The following COL15A1 variants were observed in gnomAD, a reference collection of about 807,000 sequenced individuals.
COL15A1 encodes the protein collagen alpha-1(XV) chain.
A neutral mutation model predicts 165.9 loss-of-function variants in COL15A1; 111 were observed. The ratio of observed to expected loss-of-function variants is 0.67; its 90% confidence interval spans 0.57 to 0.78. The LOEUF (loss-of-function observed/expected upper bound fraction) is 0.78, where lower values mean the gene tolerates loss of function less well. COL15A1 is among the 30% of genes least tolerant of loss of function. The pLI, the probability that COL15A1 is intolerant of heterozygous loss-of-function variation, is 0.00. For missense variants in COL15A1, 1,745 were observed against 1,789.7 expected, an observed-to-expected ratio of 0.98 and a Z score of 0.45; for synonymous variants, 659 against 674.8, an observed-to-expected ratio of 0.98 and a Z score of 0.36.
Position 98,944,002 on chromosome 9 carries a change from T to A in COL15A1, c.-60T>A. 6.2e-7 allele frequency: 1 copy of A among 1,608,184 alleles called. No homozygotes were observed. Among genetic ancestry groups the A allele is most frequent in the Non-Finnish European group, 8.5e-7 (1 of 1,175,952 alleles). ...CGCTCAGCGACCCTTCGTCCTCCGCTAAGCTCCAACGCTCTGCTCGACTAG... is the reference window on the plus strand; with the variant it reads ...CGCTCAGCGACCCTTCGTCCTCCGCAAAGCTCCAACGCTCTGCTCGACTAG... On this transcript the variant is annotated 5_prime_UTR_variant, in exon 1 of 42. Transcript: ENST00000375001.
intron 2 of COL15A1, among the ~76,000 whole-genome samples, chr9:98,978,530 C>T (rs1248866226): frequency 2.0e-5 from 3 of 152,186 alleles, no homozygotes; most frequent in Non-Finnish European, 4.4e-5. Context: ...GAAAGCAGAG[C>T]TCTCAGTAGG....
chr9:98,980,129 C>T (rs1361599661), intron 2 of COL15A1, among the ~76,000 whole-genome samples: 1 of 151,366 alleles, frequency 6.6e-6, no homozygotes, highest in Admixed American at 6.6e-5. Flanking sequence ...CACTGCATTC[C>T]CACCTGGGCA....
intron 2 of COL15A1, among the ~76,000 whole-genome samples, chr9:98,963,245 C>T (rs1459584965): frequency 3.3e-5 from 5 of 151,208 alleles, no homozygotes; most frequent in African/African-American, 7.3e-5. Flanking sequence ...TAGCTAGGAC[C>T]CACTGGGCCT....
intron 2 of COL15A1, among the ~76,000 whole-genome samples, chr9:98,983,458 G>A (rs1384507974): frequency 6.6e-6 from 1 of 152,162 alleles, no homozygotes; most frequent in Non-Finnish European, 1.5e-5. Context: ...AAAATGTCCT[G>A]CCACTTACCA....
intron 23 of COL15A1, 121 bp from the exon 24 acceptor site, chr9:99,041,924 A>C (rs1824066920): frequency 1.5e-6 from 1 of 649,046 alleles, no homozygotes; most frequent in Non-Finnish European, 2.7e-6. Context: ...GGTAATCATG[A>C]CTTCCACCTA....
chr9:98,983,689 G>A (rs528358804), intron 2 of COL15A1, among the ~76,000 whole-genome samples: 1 of 152,192 alleles, frequency 6.6e-6, no homozygotes, highest in African/African-American at 2.4e-5. Flanking sequence ...TCTTGAGATT[G>A]TTCAGTGGAT....
Position 99,055,335 on chromosome 9 carries a change from C to G in COL15A1, c.3155C>G (p.Ser1052Cys), listed in dbSNP as rs149844223. 2 of 1,613,720 alleles carry G rather than the reference C, an allele frequency of 1.2e-6. No homozygotes were observed. The highest frequency in any genetic ancestry group is 2.7e-5 in the African/African-American group (2 of 74,936). The change falls in exon 34 of 42, where the codon TCT (serine) becomes TGT (cysteine). Residue 1052 changes from serine (S) to cysteine (C), a missense_variant. By Grantham distance (112) the Ser-to-Cys change is moderately radical. Transcript: ENST00000375001. ...KGDINGSFLM[S>C]GPPGLPGNPG... ...GACATTAATGGCAGCTTCCTTATGTCTGGGCCTCCAGGCCTGCCCGGAAAT... is the reference window on the plus strand; with the variant it reads ...GACATTAATGGCAGCTTCCTTATGTGTGGGCCTCCAGGCCTGCCCGGAAAT...
chr9:99,022,195 A>G (rs746610160), intron 13 of COL15A1, 45 bp downstream of exon 13: 12 of 1,612,500 alleles, frequency 7.4e-6, no homozygotes, highest in African/African-American at 1.3e-5. Context: ...GTGTAAGACC[A>G]GGGATGCGGC....
chr9:98,960,471 A>G (rs541452182), intron 2 of COL15A1, among the ~76,000 whole-genome samples: 50 of 152,334 alleles, frequency 3.3e-4, no homozygotes, highest in African/African-American at 1.2e-3. Context: ...CCACAACATC[A>G]GATCTAGACC....
rs1380669834 is a variant in COL15A1, at chr9:99,036,318, A to C, written c.2331A>C (p.Glu777Asp). Residue 777 changes from glutamate to aspartate, a missense_variant, in exon 21 of 42, where the codon GAA becomes GAC. Transcript: ENST00000375001. ...CTTCTTGCTGCTTTGACCAGGGAGA[A>C]AGGGGGATGGATGGAGCCAGTATTG... ...GEKGDRGPKG[E>D]RGMDGASIVG... 1 of 1,614,062 alleles carries C rather than the reference A, an allele frequency of 6.2e-7. No individual in the cohort carries two copies. The highest frequency in any genetic ancestry group is 8.5e-7 in the Non-Finnish European group (1 of 1,180,008).
chr9:99,014,666 T>A (rs1407124965), intron 9 of COL15A1, among the ~76,000 whole-genome samples: 1 of 152,210 alleles, frequency 6.6e-6, no homozygotes, highest in African/African-American at 2.4e-5. Context: ...GTAGTTTATT[T>A]TGCAAAGGTC....
chr9:99,062,361 C>A, intron 38 of COL15A1, 57 bp downstream of exon 38: 1 of 1,284,834 alleles, frequency 7.8e-7, no homozygotes, highest in Non-Finnish European at 1.1e-6. Context: ...TTTCCTGAGT[C>A]CTCCTTGGTA....
chr9:99,045,122 A>C (rs60891605), intron 26 of COL15A1, among the ~76,000 whole-genome samples: 3 of 151,952 alleles, frequency 2.0e-5, no homozygotes, highest in Non-Finnish European at 2.9e-5. Flanking sequence ...GGGAGGGGGA[A>C]GAGATTGTGA....
chr9:99,029,195 T>A (rs1171725970), intron 16 of COL15A1, among the ~76,000 whole-genome samples: 1 of 152,246 alleles, frequency 6.6e-6, no homozygotes, highest in Non-Finnish European at 1.5e-5. Flanking sequence ...GTCATTCATG[T>A]TATTCTGCAG....
intron 16 of COL15A1, 63 bp downstream of exon 16, chr9:99,026,029 A>T: frequency 6.8e-7 from 1 of 1,464,014 alleles, no homozygotes; most frequent in Admixed American, 2.2e-5. Context: ...ACTCTCTCTG[A>T]CCCCTAAACC....
At chr9:99,052,237 CTCAGGG>C in intron 30 of COL15A1, 145 bp from the exon 31 acceptor site, 1 of 673,204 alleles carries the variant, frequency 1.5e-6, no homozygotes, top group Non-Finnish European at 2.7e-6. Flanking sequence ...CTCCTGGGGA[CTCAGGG>C]CTTTGGGGGA....
At chr9:99,012,560 T>C (rs560583152) in intron 9 of COL15A1, among the ~76,000 whole-genome samples, 1 of 152,334 alleles carries the variant, frequency 6.6e-6, no homozygotes, top group South Asian at 2.1e-4. Flanking sequence ...TGAATTTTTC[T>C]TGCTGTAATT....
At chr9:99,035,241 C>T in intron 18 of COL15A1, 87 bp downstream of exon 18, 1 of 1,586,652 alleles carries the variant, frequency 6.3e-7, no homozygotes, top group Non-Finnish European at 8.6e-7. Flanking sequence ...GGTCTCAGGG[C>T]AGAGGCTGTG....
At chr9:98,947,637 A>G (rs999937730) in intron 2 of COL15A1, among the ~76,000 whole-genome samples, 2 of 152,164 alleles carry the variant, frequency 1.3e-5, no homozygotes, top group African/African-American at 2.4e-5. Context: ...GAGCTGGCAC[A>G]CAGCTCACAA....
Sources: allele counts gnomAD v4.1 joint callset (sites outside exome capture counted in the v4.1 genomes callset), GRCh38; gene constraint gnomAD v4.1.1; transcripts MANE v1.5; gene names NCBI Gene and HGNC (gene_info 2026-07-23, HGNC 2026-07-21).